PCMT1: variants seen among roughly 807,000 people sequenced by gnomAD.
The protein encoded by PCMT1 is protein-L-isoaspartate (D-aspartate) O-methyltransferase.
Under a neutral mutation model 29.2 loss-of-function variants are expected in PCMT1, and 9 were observed. That is an observed-to-expected ratio of 0.31 (90% CI 0.19 to 0.54). PCMT1 has a LOEUF of 0.54. Ranked by LOEUF, PCMT1 falls within the 20% of genes least tolerant of loss-of-function variation. The pLI is 0.95. For synonymous variants in PCMT1, 98 were observed against 97.5 expected, an observed-to-expected ratio of 1.00 and a Z score of -0.03; for missense variants, 184 against 282.2, an observed-to-expected ratio of 0.65 and a Z score of 2.49.
In PCMT1 at chr6:149,789,320, C is replaced by T. The variant is rs9505978; in HGVS notation, c.193-634C>T. On this transcript the variant is annotated intron_variant, in intron 3 of 7. Transcript: ENST00000464889. ...CTTGAACTCCTGACCTCGTGATCTACCTGCCTCAGCCTCCCAAAGTGCTGG... is the reference window on the plus strand; with the variant it reads ...CTTGAACTCCTGACCTCGTGATCTATCTGCCTCAGCCTCCCAAAGTGCTGG... Among the ~76,000 whole-genome samples, 800 of 152,090 alleles carry T rather than the reference C, an allele frequency of 5.3e-3. 7 individuals are homozygous for T. Among genetic ancestry groups the T allele is most frequent in the African/African-American group, 0.019 (772 of 41,538 alleles).
intron 1 of PCMT1, 35 bp from the exon 2 acceptor site, chr6:149,771,127 C>G (rs371406788): frequency 1.7e-6 from 2 of 1,184,496 alleles, no homozygotes; most frequent in Admixed American, 3.4e-5. Context: ...GATCATGTCT[C>G]TCTCTTCTGA....
intron 3 of PCMT1, among the ~76,000 whole-genome samples, chr6:149,780,299 C>A: frequency 6.6e-6 from 1 of 151,612 alleles, no homozygotes; most frequent in South Asian, 2.1e-4. Context: ...CATGATAACA[C>A]CACTACACCC....
In PCMT1 at chr6:149,809,262, A is replaced by AAAAG. The variant is rs1474647008; in HGVS notation, c.*38-1351_*38-1350insGAAA. Reference sequence around the variant, plus strand: ...TGACAGAGCGAGACTCTGTCTCAAAAAAAAAAAAAAAAAAAAAAAGCCAAA... The same window carrying AAAAG: ...TGACAGAGCGAGACTCTGTCTCAAAAAAAGAAAAAAAAAAAAAAAAAAAGCCAAA... On this transcript the variant is annotated intron_variant, in intron 7 of 7. Transcript: ENST00000464889. Among the ~76,000 whole-genome samples the AAAAG allele has an allele frequency of 8.3e-3, 1,229 of 147,582 alleles. 22 individuals are homozygous for AAAAG. The highest frequency in any genetic ancestry group is 0.018 in the Middle Eastern group (5 of 284).
chr6:149,768,837 T>A (rs1787198314), intron 1 of PCMT1, among the ~76,000 whole-genome samples: 1 of 151,696 alleles, frequency 6.6e-6, no homozygotes, highest in Non-Finnish European at 1.5e-5. Flanking sequence ...ATGTTGGCCG[T>A]ATTGGTCTTG....
At chr6:149,789,066 A>ATGTTTTTT (rs1788240930) in intron 3 of PCMT1, among the ~76,000 whole-genome samples, 1 of 90,476 alleles carries the variant, frequency 1.1e-5, no homozygotes, top group Admixed American at 1.5e-4. Flanking sequence ...ATTGGATCTG[A>ATGTTTTTT]TTTTTTTTTT....
chr6:149,784,534 A>C (rs1448371704), intron 3 of PCMT1, among the ~76,000 whole-genome samples: 2 of 151,642 alleles, frequency 1.3e-5, no homozygotes, highest in African/African-American at 2.4e-5. Flanking sequence ...GTAGTAGCGC[A>C]ATCTCAGCTC....
chr6:149,786,013 C>G (rs1244962569), intron 3 of PCMT1, among the ~76,000 whole-genome samples: 7 of 148,826 alleles, frequency 4.7e-5, no homozygotes, highest in Non-Finnish European at 1.0e-4. Flanking sequence ...ACCTCCCGGA[C>G]GGGGCGGCTG....
At chr6:149,771,474 A>G (rs993588675) in intron 2 of PCMT1, among the ~76,000 whole-genome samples, 2 of 152,226 alleles carry the variant, frequency 1.3e-5, no homozygotes, top group Non-Finnish European at 2.9e-5. Context: ...TATAATATGT[A>G]TAAAGAATTA....
At chr6:149,755,498 A>G (rs371322882) in intron 1 of PCMT1, among the ~76,000 whole-genome samples, 17 of 152,050 alleles carry the variant, frequency 1.1e-4, no homozygotes, top group Admixed American at 3.9e-4. Flanking sequence ...TCAGGCATCT[A>G]TTAAGGGTCT....
Position 149,810,821 on chromosome 6 carries a change from T to A in PCMT1, c.*243T>A. On this transcript the variant is annotated 3_prime_UTR_variant, in exon 8 of 8. Coordinates refer to ENST00000464889, the MANE Select transcript of PCMT1 (RefSeq NM_001360452.2). ...CAGAGCCAAATTGGTAGAGGAAGGA[T>A]GCAAAGTATAAATTTGTGTAATATT... is the stretch of plus-strand genomic sequence containing the variant. 2.1e-6 allele frequency: 1 copy of A among 474,558 alleles called. No homozygotes were observed. Among genetic ancestry groups the A allele is most frequent in the African/African-American group, 2.0e-5 (1 of 50,168 alleles). The allele number at this position is 474,558 out of a possible 1,614,324, so 29.4% of individuals were successfully genotyped here. A position where few individuals can be genotyped will look rare whatever the true frequency, so the allele number is the denominator to read the frequency against.
chr6:149,776,358 G>A (rs78118618), intron 3 of PCMT1, among the ~76,000 whole-genome samples: 4 of 95,574 alleles, frequency 4.2e-5, no homozygotes, highest in East Asian at 4.9e-4. Context: ...AGCAATTCGC[G>A]TGCCTTACTC....
At chr6:149,760,281 C>T (rs982601348) in intron 1 of PCMT1, among the ~76,000 whole-genome samples, 1 of 152,084 alleles carries the variant, frequency 6.6e-6, no homozygotes, top group Non-Finnish European at 1.5e-5. Context: ...TCTTATTTGC[C>T]TCTTCATATG....
At chr6:149,753,327 A>G (rs912310698) in intron 1 of PCMT1, among the ~76,000 whole-genome samples, 2 of 150,824 alleles carry the variant, frequency 1.3e-5, no homozygotes, top group African/African-American at 2.4e-5. Flanking sequence ...AGGAAATTAC[A>G]TTTTTAATGG....
chr6:149,765,361 A>G (rs1281027725), intron 1 of PCMT1, among the ~76,000 whole-genome samples: 1 of 148,918 alleles, frequency 6.7e-6, no homozygotes, highest in Non-Finnish European at 1.5e-5. Context: ...CTCTGTCTCA[A>G]AAAAAAAAAA....
chr6:149,808,812 A>C (rs1271797035), intron 7 of PCMT1, among the ~76,000 whole-genome samples: 3 of 151,646 alleles, frequency 2.0e-5, no homozygotes, highest in Admixed American at 2.0e-4. Flanking sequence ...AATTATTTGT[A>C]TTTTTAGTAG....
At chr6:149,758,233 C>CAA (rs1375146720) in intron 1 of PCMT1, among the ~76,000 whole-genome samples, 1 of 55,844 alleles carries the variant, frequency 1.8e-5, no homozygotes, top group South Asian at 5.6e-4. Flanking sequence ...TTTTCTGAGA[C>CAA]AGAGTCTTGC....
chr6:149,762,933 TATG>T lies in PCMT1; in HGVS notation c.56-8226_56-8224del, dbSNP rs1166029310. On this transcript the variant is annotated intron_variant, in intron 1 of 7. Transcript: ENST00000464889. ...CTATGATATATATATCTATGATATA[TATG>T]ATATATATATCTATGATATGTATAT... Among the ~76,000 whole-genome samples, 2 of 60,390 alleles carry T rather than the reference TATG, an allele frequency of 3.3e-5. 1 individual carries two copies. Among genetic ancestry groups the T allele is most frequent in the Non-Finnish European group, 4.6e-5 (2 of 43,524 alleles). The allele number at this position is 60,390 out of a possible 152,430, so 39.6% of individuals were successfully genotyped here.
At chr6:149,798,230 A>G (rs1028096585) in intron 6 of PCMT1, 4 of 151,996 alleles carry the variant, frequency 2.6e-5, no homozygotes, top group African/African-American at 4.8e-5. Flanking sequence ...AAGTATTAAT[A>G]TAATGTAGAA....
At chr6:149,797,089 CA>C (rs1788649208) in intron 6 of PCMT1, 1 of 152,332 alleles carries the variant, frequency 6.6e-6, no homozygotes, top group Non-Finnish European at 1.5e-5. Context: ...GCTGGGATTA[CA>C]GGTGTGAGCC....
Sources: gnomAD v4.1 joint callset for allele counts (sites outside exome capture counted in the v4.1 genomes callset) on GRCh38, gnomAD v4.1.1 for gene constraint, MANE v1.5 for transcripts, NCBI Gene and HGNC (gene_info 2026-07-23, HGNC 2026-07-21) for gene names.